The following B3GNT3 variants were observed in gnomAD, a reference collection of about 807,000 sequenced individuals.
B3GNT3 encodes N-acetyllactosaminide beta-1,3-N-acetylglucosaminyltransferase 3.
Under a neutral mutation model 11.6 loss-of-function variants are expected in B3GNT3, and 7 were observed. The observed-to-expected ratio is 0.60, with a 90% CI of 0.34 to 1.13. The LOEUF is 1.13. Among genes scored for constraint, B3GNT3 ranks in the 50% most tolerant of loss-of-function variants. B3GNT3 has a pLI of 0.03. For missense variants in B3GNT3, 400 were observed against 507.4 expected (o/e 0.79, Z 2.03); for synonymous variants, 201 against 222.1 (o/e 0.90, Z 0.85).
chr19:17,802,380 A>G (rs2094167378), intron 1 of B3GNT3, among the ~76,000 whole-genome samples: 1 of 152,142 alleles, frequency 6.6e-6, no homozygotes, highest in Admixed American at 6.5e-5. Context: ...TCCCTTCTGC[A>G]ACAAACTAGG....
chr19:17,811,956 G>A lies in B3GNT3; in HGVS notation c.953G>A (p.Arg318His), dbSNP rs777127908. The A allele has an allele frequency of 2.3e-5, 37 of 1,609,940 alleles. No individual in the cohort carries two copies. Among genetic ancestry groups the A allele is most frequent in the Non-Finnish European group, 2.4e-5 (28 of 1,180,010 alleles). ...AAGCCTGCCTCCCACAGCGGCATCC[G>A]CACGTCTGGCGTGCGGGCTCCATCG... Reference protein sequence around the residue: ...GLKPASHSGIRTSGVRAPSQR... With the variant: ...GLKPASHSGIHTSGVRAPSQR... The change falls in exon 3 of 3, where the codon CGC (arginine) becomes CAC (histidine). Residue 318 changes from arginine (R) to histidine (H), a missense_variant. Transcript: ENST00000318683. The surrounding 1 kb of genome is among the most constrained non-coding windows in gnomAD (Gnocchi z 4.1).
At chr19:17,800,896 G>C (rs2094165322) in intron 1 of B3GNT3, among the ~76,000 whole-genome samples, 1 of 151,984 alleles carries the variant, frequency 6.6e-6, no homozygotes, top group Admixed American at 6.6e-5. Flanking sequence ...GAACCCAGGA[G>C]GGTGCAACCT....
At position 17,812,008 on chromosome 19, in the gene B3GNT3, C is replaced by T. The variant is rs756944640; in HGVS notation, c.1005C>T (p.Cys335=). 15 of 1,600,936 alleles carry T rather than the reference C, an allele frequency of 9.4e-6. 1 individual carries two copies. The South Asian group carries it at 1.2e-4, about 13-fold the overall frequency. ...AACGCCTGTCCTCCTTTGACCCCTG[C>T]TTCTACCGAGACCTGCTGCTGGTGC... ...PSQRLSSFDP[C]FYRDLLLVHR... Residue 335 remains cysteine (C), a synonymous_variant, in exon 3 of 3, where the codon TGC becomes TGT. Transcript: ENST00000318683.
intron 1 of B3GNT3, among the ~76,000 whole-genome samples, chr19:17,805,821 A>G (rs1960218546): frequency 6.6e-6 from 1 of 151,708 alleles, no homozygotes; most frequent in South Asian, 2.1e-4. Flanking sequence ...TTTTTGAGAC[A>G]GCATCTTGCT....
chr19:17,805,921 C>G (rs1014446923), intron 1 of B3GNT3, among the ~76,000 whole-genome samples: 2 of 152,038 alleles, frequency 1.3e-5, no homozygotes. Context: ...CCTCAGCCTC[C>G]CAAGTAACTG....
chr19:17,805,909 C>G (rs2094172456), intron 1 of B3GNT3, among the ~76,000 whole-genome samples: 2 of 149,642 alleles, frequency 1.3e-5, no homozygotes, highest in African/African-American at 4.9e-5. Context: ...GTGGTCCTCC[C>G]ACCTCAGCCT....
chr19:17,809,350 G>A (rs2094177701), intron 2 of B3GNT3, among the ~76,000 whole-genome samples: 1 of 151,978 alleles, frequency 6.6e-6, no homozygotes, highest in African/African-American at 2.4e-5. Flanking sequence ...GAGGAGGGAG[G>A]ATCGCTTGAG....
At position 17,812,198 on chromosome 19, in the gene B3GNT3, G is replaced by C; in HGVS notation, c.*76G>C. 6.9e-7 allele frequency: 1 copy of C among 1,452,718 alleles called. No homozygotes were observed. Among genetic ancestry groups the C allele is most frequent in the Non-Finnish European group, 9.1e-7 (1 of 1,098,426 alleles). The allele number at this position is 1,452,718 out of a possible 1,614,324, so 90.0% of individuals were successfully genotyped here. ...CGACACCTTCCTCCCAGGAAGCTGA[G>C]ACCTTTGTGGTCTGAGCATAAGGGA... On this transcript the variant is annotated 3_prime_UTR_variant, in exon 3 of 3. Coordinates refer to ENST00000318683, the MANE Select transcript of B3GNT3 (RefSeq NM_014256.4).
intron 1 of B3GNT3, among the ~76,000 whole-genome samples, chr19:17,802,844 A>T (rs2094167950): frequency 6.6e-6 from 1 of 151,172 alleles, no homozygotes; most frequent in Non-Finnish European, 1.5e-5. Flanking sequence ...TACTCAGCTA[A>T]TTTTTTTACT....
At chr19:17,799,055 T>C (rs79957526) in intron 1 of B3GNT3, among the ~76,000 whole-genome samples, 9,560 of 152,254 alleles carry the variant, frequency 0.063, 332 homozygotes, top group Middle Eastern at 0.078. Flanking sequence ...AGCTACCACT[T>C]GACCCTCTAG....
intron 1 of B3GNT3, among the ~76,000 whole-genome samples, chr19:17,803,679 G>A (rs1599845690): frequency 6.6e-6 from 1 of 151,890 alleles, no homozygotes; most frequent in Non-Finnish European, 1.5e-5. Context: ...TAACATGCAG[G>A]GAACATATGA....
At chr19:17,797,274 G>T (rs541856584) in intron 1 of B3GNT3, among the ~76,000 whole-genome samples, 1 of 152,278 alleles carries the variant, frequency 6.6e-6, no homozygotes, top group East Asian at 1.9e-4. Flanking sequence ...TTTGCACACA[G>T]AAATAATATC....
At chr19:17,807,027 G>A (rs1305176735) in intron 1 of B3GNT3, among the ~76,000 whole-genome samples, 1 of 151,468 alleles carries the variant, frequency 6.6e-6, no homozygotes, top group Non-Finnish European at 1.5e-5. Context: ...AAGGTAGCCA[G>A]GATGGTGGAC....
intron 1 of B3GNT3, 39 bp from the exon 2 acceptor site, chr19:17,807,719 T>G (rs1451404942): frequency 9.2e-5 from 119 of 1,297,072 alleles, no homozygotes; most frequent in Non-Finnish European, 1.2e-4. Context: ...AAAAGCGCTT[T>G]GCTCATGGCG....
Position 17,807,771 on chromosome 19 carries a change from G to A in B3GNT3, c.-37G>A. 6.4e-7 allele frequency: 1 copy of A among 1,572,074 alleles called. No homozygotes were observed. Among genetic ancestry groups the A allele is most frequent in the South Asian group, 1.2e-5 (1 of 86,644 alleles). ...TGTTTTCCACAGGAGCCGCCCAGGA[G>A]GCTCCTCAGGCCGACCCCAGACCCT... On this transcript the variant is annotated 5_prime_UTR_variant, in exon 2 of 3. Coordinates refer to ENST00000318683, the MANE Select transcript of B3GNT3 (RefSeq NM_014256.4).
chr19:17,796,508 G>A (rs559445404), intron 1 of B3GNT3, among the ~76,000 whole-genome samples: 28 of 152,334 alleles, frequency 1.8e-4, no homozygotes, highest in Middle Eastern at 3.4e-3. Context: ...CCACCTGGCC[G>A]TCTAGGTCTG....
At position 17,811,059 on chromosome 19, in the gene B3GNT3, T is replaced by G. The variant is rs774008381; in HGVS notation, c.568-512T>G. Among the ~76,000 whole-genome samples the G allele has an allele frequency of 1.4e-4, 21 of 149,802 alleles. No individual in the cohort carries two copies. Among genetic ancestry groups the G allele is most frequent in the Non-Finnish European group, 2.5e-4 (17 of 67,470 alleles). On this transcript the variant is annotated intron_variant, in intron 2 of 2. Coordinates refer to ENST00000318683, the MANE Select transcript of B3GNT3 (RefSeq NM_014256.4). This position sits in a 1 kb window ranked among gnomAD's most constrained non-coding sequence, Gnocchi z 4.1. ...TCCCATCTCTTAAAAAAAAAAAAAT[T>G]ATTAGCCAGGAGTAAGTAGCGGCAT...
Position 17,807,963 on chromosome 19 carries a change from A to ACGCCC in B3GNT3, c.157_158insGCCCC (p.Pro53ArgfsTer62). 10 of 1,223,194 alleles carry ACGCCC rather than the reference A, an allele frequency of 8.2e-6. No homozygotes were observed. Among genetic ancestry groups the ACGCCC allele is most frequent in the African/African-American group, 1.6e-5 (1 of 62,428 alleles). The allele number at this position is 1,223,194 out of a possible 1,614,324, so 75.8% of individuals were successfully genotyped here. ...CCGAGGCCCTGGCCTGGCCCACTCC[A>ACGCCC]CCCACCCGCCCAGCCCCGGCCCCGT... On this transcript the variant is annotated frameshift_variant, in exon 2 of 3. Coordinates refer to ENST00000318683, the MANE Select transcript of B3GNT3 (RefSeq NM_014256.4). LOFTEE classifies it high-confidence loss of function.
At chr19:17,800,625 A>G (rs1277749526) in intron 1 of B3GNT3, among the ~76,000 whole-genome samples, 4 of 152,192 alleles carry the variant, frequency 2.6e-5, no homozygotes, top group Non-Finnish European at 5.9e-5. Flanking sequence ...TTCAGTGACC[A>G]TGAATATTTG....
Sources: allele counts gnomAD v4.1 joint callset (sites outside exome capture counted in the v4.1 genomes callset), GRCh38; gene constraint gnomAD v4.1.1; non-coding constraint Gnocchi (gnomAD v3.1); transcripts MANE v1.5; gene names NCBI Gene and HGNC (gene_info 2026-07-23, HGNC 2026-07-21).